Variants in PXDN observed in about 807,000 individuals in gnomAD.
The protein encoded by PXDN is peroxidasin homolog.
A neutral mutation model predicts 140.3 loss-of-function variants in PXDN; 77 were observed. The observed-to-expected ratio is 0.55, with a 90% CI of 0.46 to 0.66. The LOEUF is 0.66. Among genes scored for constraint, PXDN ranks in the 30% least tolerant of loss-of-function variants. The pLI is 0.00. For synonymous variants in PXDN, 911 were observed against 857.4 expected (o/e 1.06, Z -1.09); for missense variants, 1,838 against 2,039.5 (o/e 0.90, Z 1.90).
intron 17 of PXDN, among the ~76,000 whole-genome samples, chr2:1,646,372 G>C (rs925972107): frequency 6.6e-6 from 1 of 152,222 alleles, no homozygotes; most frequent in Non-Finnish European, 1.5e-5. Flanking sequence ...TTTGGCAAAA[G>C]AGAGAATCAT....
intron 7 of PXDN, 114 bp downstream of exon 7, chr2:1,680,079 G>T: frequency 7.7e-7 from 1 of 1,306,068 alleles, no homozygotes; most frequent in Non-Finnish European, 1.0e-6. Flanking sequence ...TGGTGTGTGT[G>T]TAAATGTGTG....
At chr2:1,740,504 G>A (rs979909406) in intron 1 of PXDN, among the ~76,000 whole-genome samples, 1 of 152,224 alleles carries the variant, frequency 6.6e-6, no homozygotes, top group Non-Finnish European at 1.5e-5. Context: ...GGGCCTGCAG[G>A]CGGGAGGAGA....
intron 1 of PXDN, among the ~76,000 whole-genome samples, chr2:1,709,581 T>C (rs1255029433): frequency 2.0e-5 from 3 of 152,150 alleles, no homozygotes; most frequent in African/African-American, 7.2e-5. Flanking sequence ...GTCAGGGCCA[T>C]TGAACAAGAT....
chr2:1,640,853 A>G (rs2125405146), intron 19 of PXDN, among the ~76,000 whole-genome samples: 1 of 152,284 alleles, frequency 6.6e-6, no homozygotes, highest in Non-Finnish European at 1.5e-5. Flanking sequence ...GGGCCAGGAC[A>G]CGGTCCCAGG....
chr2:1,654,441 A>T lies in PXDN; in HGVS notation c.1905T>A (p.Val635=). 6.2e-7 allele frequency: 1 copy of T among 1,613,860 alleles called. No individual in the cohort carries two copies. Among genetic ancestry groups the T allele is most frequent in the Non-Finnish European group, 8.5e-7 (1 of 1,179,754 alleles). The change falls in exon 15 of 23, where the codon GTT becomes GTA. Residue 635 remains valine, a synonymous_variant. Transcript: ENST00000252804. The part of the protein sequence containing the change: ...ATSIVEAIAT[V]DRAINSTRTH... ...TTCGGGTTGAGTTTATAGCTCTGTCAACAGTCGCAATCGCTTCCACGATGG... is the reference window on the plus strand; with the variant it reads ...TTCGGGTTGAGTTTATAGCTCTGTCTACAGTCGCAATCGCTTCCACGATGG...
intron 7 of PXDN, 143 bp downstream of exon 7, chr2:1,680,044 TTGTGTC>T (rs1683851300): frequency 4.0e-6 from 4 of 1,005,150 alleles, no homozygotes; most frequent in Non-Finnish European, 5.7e-6. Flanking sequence ...TGTGTGTGGT[TTGTGTC>T]TGCGCGTGTG....
chr2:1,684,256 A>T, intron 4 of PXDN, 105 bp from the exon 5 acceptor site: 1 of 832,576 alleles, frequency 1.2e-6, no homozygotes. Context: ...AGATATCAAT[A>T]GATAGCTCAC....
At chr2:1,680,487 G>T in intron 6 of PXDN, 125 bp from the exon 7 acceptor site, 2 of 1,170,288 alleles carry the variant, frequency 1.7e-6, no homozygotes, top group South Asian at 1.3e-5. Flanking sequence ...TTGCGACATG[G>T]GGATGGGACA....
At chr2:1,711,011 A>G (rs1468932576) in intron 1 of PXDN, among the ~76,000 whole-genome samples, 4 of 27,980 alleles carry the variant, frequency 1.4e-4, no homozygotes, top group Non-Finnish European at 2.2e-4. Flanking sequence ...ACCAGCACCC[A>G]CTCTCCACCA....
At chr2:1,698,544 C>T (rs1198322495) in intron 1 of PXDN, among the ~76,000 whole-genome samples, 5 of 152,124 alleles carry the variant, frequency 3.3e-5, no homozygotes, top group South Asian at 2.1e-4. Flanking sequence ...CTGGACAAAT[C>T]GGAATTTAGA....
rs1040073350 is a variant in PXDN, at chr2:1,687,841, G to A, written c.345-138C>T. On this transcript the variant is annotated intron_variant, in intron 3 of 22. Transcript: ENST00000252804. The surrounding 1 kb of genome is among the most constrained non-coding windows in gnomAD (Gnocchi z 4.0). Reference sequence around the variant, plus strand: ...TAGAATGCAAACAAACCATCTGCACGGTGAGTACAGTGCCTCTCCCAAGGG... The same window carrying A: ...TAGAATGCAAACAAACCATCTGCACAGTGAGTACAGTGCCTCTCCCAAGGG... 1.4e-5 allele frequency: 9 copies of A among 626,478 alleles called. No individual in the cohort carries two copies. The highest frequency in any genetic ancestry group is 1.1e-4 in the African/African-American group (6 of 55,216). The allele number at this position is 626,478 out of a possible 1,614,324, so 38.8% of individuals were successfully genotyped here. A position where few individuals can be genotyped will look rare whatever the true frequency, so the allele number is the denominator to read the frequency against.
Position 1,638,965 on chromosome 2 carries a change from CCT to C in PXDN, c.4085_4086del (p.Gln1362ArgfsTer22), listed in dbSNP as rs967959245. The stretch of plus-strand genomic sequence containing the variant: ...GAGGTGCTGTTGCTGAGATGTTCCC[CCT>C]GTCTCCCAACACTGTGGTGAGGGGA... ...RPRKIPSVGR[Q>X]GEHLSNSTSA... On this transcript the variant is annotated frameshift_variant, in exon 21 of 23. Coordinates refer to ENST00000252804, the MANE Select transcript of PXDN (RefSeq NM_012293.3). LOFTEE classifies it high-confidence loss of function. 7.4e-6 allele frequency: 12 copies of C among 1,613,882 alleles called. No homozygotes were observed. Among genetic ancestry groups the C allele is most frequent in the Admixed American group, 3.3e-5 (2 of 60,006 alleles).
Position 1,680,634 on chromosome 2 carries a change from G to C in PXDN, c.561-272C>G, listed in dbSNP as rs1056017549. On this transcript the variant is annotated intron_variant, in intron 6 of 22. Coordinates refer to ENST00000252804, the MANE Select transcript of PXDN (RefSeq NM_012293.3). The stretch of plus-strand genomic sequence containing the variant: ...TAGAGGCGTGAGTAGCATAGGGCTT[G>C]TGCACACCCAGGCATCGGGTGTCGA... 9.9e-5 allele frequency among the ~76,000 whole-genome samples: 15 copies of C among 152,204 alleles called. 1 individual carries two copies. Among genetic ancestry groups the C allele is most frequent in the Admixed American group, 8.5e-4 (13 of 15,288 alleles).
At position 1,639,368 on chromosome 2, in the gene PXDN, C is replaced by T. The variant is rs780159883; in HGVS notation, c.4007G>A (p.Arg1336Gln). 1.4e-5 allele frequency: 23 copies of T among 1,613,882 alleles called. No individual in the cohort carries two copies. The Admixed American group carries it at 1.5e-4, about 11-fold the overall frequency. Residue 1336 changes from arginine (R) to glutamine (Q), a missense_variant, in exon 20 of 23, where the codon CGG becomes CAG. By Grantham distance (43) the Arg-to-Gln change is conservative (BLOSUM62 1). Coordinates refer to ENST00000252804, the MANE Select transcript of PXDN (RefSeq NM_012293.3). The surrounding 1 kb of genome is among the most constrained non-coding windows in gnomAD (Gnocchi z 5.0). ...CTCCTGGTAGCTGAACTCAAGAGACCGTCTGCCTCGGAAATGATAGGAAAA... is the reference window on the plus strand; with the variant it reads ...CTCCTGGTAGCTGAACTCAAGAGACTGTCTGCCTCGGAAATGATAGGAAAA... ...NAFSYHFRGR[R>Q]SLEFSYQEDK...
At chr2:1,704,718 C>T (rs1340948554) in intron 1 of PXDN, among the ~76,000 whole-genome samples, 1 of 151,706 alleles carries the variant, frequency 6.6e-6, no homozygotes, top group African/African-American at 2.4e-5. Context: ...AGATAAGAGA[C>T]AAATGGCTGC....
chr2:1,742,118 C>T (rs908382183), intron 1 of PXDN, among the ~76,000 whole-genome samples: 15 of 152,246 alleles, frequency 9.9e-5, no homozygotes, highest in African/African-American at 3.6e-4. Flanking sequence ...CCAGCCAGGA[C>T]TCCATTCTGG....
intron 14 of PXDN, among the ~76,000 whole-genome samples, chr2:1,655,831 A>G (rs1460488421): frequency 1.3e-5 from 2 of 151,748 alleles, no homozygotes; most frequent in Non-Finnish European, 2.9e-5. Flanking sequence ...CACACACCAC[A>G]CACACACAGA....
At chr2:1,673,290 C>G (rs1361398044) in intron 9 of PXDN, among the ~76,000 whole-genome samples, 1 of 152,170 alleles carries the variant, frequency 6.6e-6, no homozygotes, top group Non-Finnish European at 1.5e-5. Flanking sequence ...CACATGGCAA[C>G]AGCTGGCTGT....
intron 1 of PXDN, among the ~76,000 whole-genome samples, chr2:1,698,416 A>G (rs904395662): frequency 7.2e-5 from 11 of 152,124 alleles, no homozygotes; most frequent in African/African-American, 1.9e-4. Flanking sequence ...CCCCTACTTC[A>G]GAGTAACAAA....
Sources: allele counts gnomAD v4.1 joint callset (sites outside exome capture counted in the v4.1 genomes callset), GRCh38; gene constraint gnomAD v4.1.1; non-coding constraint Gnocchi (gnomAD v3.1); transcripts MANE v1.5; gene names NCBI Gene and HGNC (gene_info 2026-07-23, HGNC 2026-07-21).